Variants in KCNT1 observed in about 807,000 individuals in gnomAD.
KCNT1 encodes potassium channel subfamily T member 1.
KCNT1 carries 78 observed loss-of-function variants against 147.8 expected under a neutral mutation model. The ratio of observed to expected loss-of-function variants is 0.53; its 90% CI spans 0.44 to 0.64. The LOEUF (loss-of-function observed/expected upper bound fraction) is 0.64, where lower values mean the gene tolerates loss of function less well. Ranked by LOEUF, KCNT1 falls within the 30% of genes least tolerant of loss-of-function variation. KCNT1 has a pLI of 0.00. For synonymous variants in KCNT1, 867 were observed against 748.8 expected, an observed-to-expected ratio of 1.16 and a Z score of -2.58; for missense variants, 1,419 against 1,750.3, an observed-to-expected ratio of 0.81 and a Z score of 3.38.
intron 28 of KCNT1, 166 bp downstream of exon 28, chr9:135,785,496 G>A (rs1429821826): frequency 2.4e-6 from 2 of 836,982 alleles, no homozygotes; most frequent in African/African-American, 1.8e-5. Context: ...ACGGCTCAGA[G>A]AAGGCTGTTG....
intron 2 of KCNT1, among the ~76,000 whole-genome samples, chr9:135,727,223 CTCTT>C (rs1393637654): frequency 3.7e-5 from 3 of 81,590 alleles, no homozygotes; most frequent in African/African-American, 1.5e-4. Context: ...CTCTCTCTCT[CTCTT>C]TCCCATTCTC....
intron 1 of KCNT1, among the ~76,000 whole-genome samples, chr9:135,708,611 C>T (rs910388537): frequency 2.0e-5 from 3 of 152,186 alleles, no homozygotes; most frequent in South Asian, 2.1e-4. Flanking sequence ...AGTGCAGTGG[C>T]GCAGTCATGG....
intron 13 of KCNT1, 75 bp from the exon 14 acceptor site, chr9:135,768,535 A>G (rs1265581166): frequency 1.7e-6 from 2 of 1,201,638 alleles, no homozygotes; most frequent in South Asian, 1.4e-5. Context: ...GGTCCTCCCC[A>G]CCTCACCTCC....
At chr9:135,721,477 G>A (rs1835923100) in intron 2 of KCNT1, among the ~76,000 whole-genome samples, 1 of 152,216 alleles carries the variant, frequency 6.6e-6, no homozygotes, top group African/African-American at 2.4e-5. Flanking sequence ...GCCAGCCTGA[G>A]AAATGGCCTT....
In KCNT1 at chr9:135,770,901, G is replaced by A. The variant is rs1246278666; in HGVS notation, c.1814G>A (p.Ser605Asn). Residue 605 changes from serine (S) to asparagine (N), a missense_variant, in exon 18 of 31, where the codon AGC becomes AAC. By Grantham distance (46) the Ser-to-Asn change is conservative. This residue lies in a region of KCNT1 where 284 missense variants were observed against 292.8 expected (regional missense o/e 0.97). Transcript: ENST00000371757. ...LIGLKREDNK[S>N]ILLNPGPRHI... Reference sequence around the variant, plus strand: ...GGGCTGAAGCGGGAGGACAACAAGAGCATCCTGCTGAACCCGGGGCCCCGG... The same window carrying A: ...GGGCTGAAGCGGGAGGACAACAAGAACATCCTGCTGAACCCGGGGCCCCGG... 7 of 1,603,010 alleles carry A rather than the reference G, an allele frequency of 4.4e-6. No homozygotes were observed. The highest frequency in any genetic ancestry group is 3.4e-5 in the South Asian group (3 of 89,416).
Position 135,792,067 on chromosome 9 carries a change from C to A in KCNT1, c.3614C>A (p.Ala1205Asp). The change falls in exon 31 of 31, where the codon GCT becomes GAT. Residue 1205 changes from alanine to aspartate, a missense_variant. This residue lies in a region of KCNT1 where 306 missense variants were observed against 294.2 expected (regional missense o/e 1.04). Transcript: ENST00000371757. ...IVYLIRSDPL[A>D]HVASSSQSRK... ...TATCTCATCCGCTCCGACCCCCTGG[C>A]TCACGTGGCCAGCAGCTCCCAGAGC... 1.9e-6 allele frequency: 3 copies of A among 1,604,448 alleles called. No individual in the cohort carries two copies. The highest frequency in any genetic ancestry group is 1.3e-5 in the African/African-American group (1 of 75,034).
In KCNT1 at chr9:135,786,257, G is replaced by GGCTCCCGC; in HGVS notation, c.3242_3249dup (p.Gly1084ProfsTer36). ...CACACGGGAAGTGAAGGGGCCCTGG[G>GGCTCCCGC]GCTCCCGCGCTGGCACCGGAGGCAG... On this transcript the variant is annotated frameshift_variant, in exon 29 of 31. Coordinates refer to ENST00000371757, the MANE Select transcript of KCNT1 (RefSeq NM_020822.3). LOFTEE classifies it high-confidence loss of function. 1 of 1,611,126 alleles carries GGCTCCCGC rather than the reference G, an allele frequency of 6.2e-7. No individual in the cohort carries two copies. Among genetic ancestry groups the GGCTCCCGC allele is most frequent in the Non-Finnish European group, 8.5e-7 (1 of 1,179,416 alleles).
At chr9:135,718,198 C>T (rs1835792638) in intron 2 of KCNT1, among the ~76,000 whole-genome samples, 1 of 152,212 alleles carries the variant, frequency 6.6e-6, no homozygotes, top group African/African-American at 2.4e-5. Context: ...CTTCCCCTTC[C>T]TGGAGTGGAG....
chr9:135,791,627 G>C (rs1027464005), intron 29 of KCNT1, 170 bp from the exon 30 acceptor site: 3 of 620,418 alleles, frequency 4.8e-6, no homozygotes, highest in Admixed American at 5.2e-5. Context: ...GACAGGTGTC[G>C]GTCAGGGATG....
chr9:135,792,483 G>A lies in KCNT1; in HGVS notation c.*322G>A. 3.8e-6 allele frequency: 1 copy of A among 262,854 alleles called. No individual in the cohort carries two copies. Among genetic ancestry groups the A allele is most frequent in the Non-Finnish European group, 7.4e-6 (1 of 134,496 alleles). 16.3% of individuals were successfully genotyped at this position (262,854 alleles called of 1,614,324 possible). ...ACGCAGGGACTGGACGCCCTACAGG[G>A]CCGAGCCCAGGCTGTGCTGGAGGGT... On this transcript the variant is annotated 3_prime_UTR_variant, in exon 31 of 31. Coordinates refer to ENST00000371757, the MANE Select transcript of KCNT1 (RefSeq NM_020822.3).
intron 10 of KCNT1, 63 bp downstream of exon 10, chr9:135,758,571 G>A: frequency 1.5e-6 from 2 of 1,323,734 alleles, no homozygotes; most frequent in South Asian, 2.3e-5. Flanking sequence ...GGCAAGCAGG[G>A]CCGGGCGAGG....
chr9:135,782,183 G>A (rs1041905231), intron 24 of KCNT1, among the ~76,000 whole-genome samples: 9 of 152,156 alleles, frequency 5.9e-5, no homozygotes, highest in African/African-American at 1.9e-4. Flanking sequence ...CAGGCTGGGC[G>A]ACAGAGCGAG....
chr9:135,785,255 C>A, intron 27 of KCNT1, 55 bp from the exon 28 acceptor site: 1 of 1,605,526 alleles, frequency 6.2e-7, no homozygotes, highest in South Asian at 1.1e-5. Context: ...GCTGAGGCGG[C>A]GTGGGGGGCA....
At chr9:135,724,966 C>T (rs1836072310) in intron 2 of KCNT1, among the ~76,000 whole-genome samples, 1 of 152,188 alleles carries the variant, frequency 6.6e-6, no homozygotes, top group South Asian at 2.1e-4. Context: ...AGGGGGTGCC[C>T]CTGGGCTCCC....
At chr9:135,788,758 C>T (rs1480365428) in intron 29 of KCNT1, among the ~76,000 whole-genome samples, 1 of 152,216 alleles carries the variant, frequency 6.6e-6, no homozygotes, top group East Asian at 1.9e-4. Context: ...ATTCTTCCTG[C>T]TCGGCTCGAG....
In KCNT1 at chr9:135,770,293, C is replaced by A; in HGVS notation, c.1620-5C>A. On this transcript the variant is annotated splice_polypyrimidine_tract_variant and splice_region_variant and intron_variant, in intron 16 of 30. Transcript: ENST00000371757. The stretch of plus-strand genomic sequence containing the variant: ...ACGCTCCCCTGGCCCCGCCCTGGCC[C>A]ACAGGGAGGGACAGGAGTCTCCGGA... 6.3e-7 allele frequency: 1 copy of A among 1,588,880 alleles called. No individual in the cohort carries two copies. Among genetic ancestry groups the A allele is most frequent in the Non-Finnish European group, 8.6e-7 (1 of 1,165,728 alleles).
At chr9:135,772,022 G>A (rs1052237896) in intron 18 of KCNT1, among the ~76,000 whole-genome samples, 2 of 152,150 alleles carry the variant, frequency 1.3e-5, no homozygotes, top group African/African-American at 4.8e-5. Flanking sequence ...GTTTGGAGAC[G>A]TGCCGATGCG....
chr9:135,735,739 C>T (rs1166554848), intron 2 of KCNT1, among the ~76,000 whole-genome samples: 4 of 152,172 alleles, frequency 2.6e-5, no homozygotes, highest in Non-Finnish European at 5.9e-5. Flanking sequence ...GCAAGGACTC[C>T]AGGTCTGGGG....
chr9:135,747,658 G>A (rs1174751433), intron 2 of KCNT1, among the ~76,000 whole-genome samples: 1 of 152,194 alleles, frequency 6.6e-6, no homozygotes, highest in African/African-American at 2.4e-5. Flanking sequence ...GCGTGGGGCA[G>A]GAGGAGGGGC....
Sources: gnomAD v4.1 joint callset for allele counts (sites outside exome capture counted in the v4.1 genomes callset) on GRCh38, gnomAD v4.1.1 for gene constraint, gnomAD v4.1.1 regional missense constraint, MANE v1.5 for transcripts, NCBI Gene and HGNC (gene_info 2026-07-23, HGNC 2026-07-21) for gene names.